FAM114A1: variants seen among roughly 807,000 people sequenced by gnomAD.
FAM114A1 encodes family with sequence similarity 114 member A1, also known as protein NOXP20.
In FAM114A1, 62 loss-of-function variants were observed where a neutral mutation model predicts 64.3. The observed-to-expected ratio is 0.96, with a 90% CI of 0.79 to 1.19. The LOEUF is 1.19. Among genes scored for constraint, FAM114A1 ranks in the 50% most tolerant of loss-of-function variants. The pLI, the probability that FAM114A1 is intolerant of heterozygous loss-of-function variation, is 0.00. For missense variants in FAM114A1, 645 were observed against 676.3 expected (o/e 0.95, Z 0.51); for synonymous variants, 254 against 251.1 (o/e 1.01, Z -0.11).
intron 1 of FAM114A1, 179 bp downstream of exon 1, chr4:38,868,013 T>C: frequency 2.4e-6 from 1 of 418,634 alleles, no homozygotes; most frequent in South Asian, 1.7e-5. Flanking sequence ...GGGGTGAGGG[T>C]CTGGGGCGGC....
intron 9 of FAM114A1, among the ~76,000 whole-genome samples, chr4:38,927,961 C>T (rs1180587004): frequency 1.3e-5 from 2 of 152,216 alleles, no homozygotes; most frequent in Non-Finnish European, 2.9e-5. Flanking sequence ...GGATTACAGG[C>T]GTGAGCCACC....
intron 9 of FAM114A1, among the ~76,000 whole-genome samples, chr4:38,925,134 C>CT (rs2109762555): frequency 6.6e-6 from 1 of 152,274 alleles, no homozygotes; most frequent in Admixed American, 6.5e-5. Flanking sequence ...ATAGAAAAAC[C>CT]TGAAGTGCGA....
chr4:38,891,702 A>G (rs1037418949), intron 3 of FAM114A1, 41 bp from the exon 4 acceptor site: 1 of 1,522,812 alleles, frequency 6.6e-7, no homozygotes, highest in African/African-American at 1.4e-5. Context: ...ATTCAGAGAT[A>G]TACTGAATTT....
chr4:38,902,929 T>C (rs930286780), intron 4 of FAM114A1, among the ~76,000 whole-genome samples: 3 of 152,216 alleles, frequency 2.0e-5, no homozygotes, highest in African/African-American at 7.2e-5. Flanking sequence ...GAGGTTACTC[T>C]TTAGAGTAAG....
rs757367796 is a variant in FAM114A1, at chr4:38,915,071, A to G, written c.943A>G (p.Lys315Glu). 1 of 1,614,128 alleles carries G rather than the reference A, an allele frequency of 6.2e-7. No individual in the cohort carries two copies. Among genetic ancestry groups the G allele is most frequent in the East Asian group, 2.2e-5 (1 of 44,890 alleles). Residue 315 changes from lysine (K) to glutamate (E), a missense_variant and splice_region_variant, in exon 8 of 15, where the codon AAG becomes GAG. Lys to Glu is a moderately conservative substitution (Grantham distance 56). Transcript: ENST00000358869. ...LEILSNESES[K>E]VQSFLASLDG... ...AATTCTGTCCAATGAAAGCGAAAGC[A>G]AGGTACTTCTGCACTACTCGTTTGA...
At chr4:38,923,070 T>G (rs1384598578) in intron 9 of FAM114A1, among the ~76,000 whole-genome samples, 177 bp downstream of exon 9, 1 of 152,202 alleles carries the variant, frequency 6.6e-6, no homozygotes, top group African/African-American at 2.4e-5. Context: ...TATAAGACTC[T>G]CTTTCACTGG....
At chr4:38,874,215 AT>A (rs1374314292) in intron 2 of FAM114A1, among the ~76,000 whole-genome samples, 2 of 152,342 alleles carry the variant, frequency 1.3e-5, no homozygotes, top group Admixed American at 1.3e-4. Context: ...CGTCTGTAAA[AT>A]GGAGCTGATA....
intron 14 of FAM114A1, among the ~76,000 whole-genome samples, chr4:38,942,291 C>T (rs935046378): frequency 3.3e-5 from 5 of 151,992 alleles, no homozygotes; most frequent in Non-Finnish European, 1.5e-5. Flanking sequence ...TTAAGGAAAA[C>T]GACAAAGGTA....
chr4:38,911,326 C>G (rs1037805940), intron 7 of FAM114A1, among the ~76,000 whole-genome samples: 4 of 152,218 alleles, frequency 2.6e-5, no homozygotes, highest in African/African-American at 9.6e-5. Context: ...CAAAGGAGAC[C>G]TCATCTTCCA....
intron 3 of FAM114A1, among the ~76,000 whole-genome samples, chr4:38,888,654 C>T (rs1402033548): frequency 1.3e-5 from 2 of 152,150 alleles, no homozygotes; most frequent in South Asian, 4.1e-4. Flanking sequence ...ATCTAATTTG[C>T]TGTTATAAGA....
chr4:38,897,965 A>G (rs1473235231), intron 4 of FAM114A1, among the ~76,000 whole-genome samples: 3 of 152,016 alleles, frequency 2.0e-5, no homozygotes, highest in African/African-American at 7.2e-5. Flanking sequence ...AAAAGAAAGA[A>G]AAAAGAAAAG....
chr4:38,876,525 A>G lies in FAM114A1; in HGVS notation c.-8-1546A>G, dbSNP rs561034994. On this transcript the variant is annotated intron_variant, in intron 2 of 14. Coordinates refer to ENST00000358869, the MANE Select transcript of FAM114A1 (RefSeq NM_138389.4). ...AATATAATTAATAAAGCCAGAGTCA[A>G]TAATTTTAAAGATACAGGTATTACT... Among the ~76,000 whole-genome samples the G allele has an allele frequency of 3.9e-5, 6 of 152,338 alleles. 1 individual carries two copies. The South Asian group carries it at 1.0e-3, about 26-fold the overall frequency.
intron 3 of FAM114A1, among the ~76,000 whole-genome samples, chr4:38,882,590 T>C (rs1248070277): frequency 6.6e-6 from 1 of 152,070 alleles, no homozygotes; most frequent in East Asian, 1.9e-4. Flanking sequence ...GATTGCACCA[T>C]TGCACTCCAG....
At chr4:38,879,722 A>G (rs1050138981) in intron 3 of FAM114A1, among the ~76,000 whole-genome samples, 11 of 137,826 alleles carry the variant, frequency 8.0e-5, no homozygotes, top group Admixed American at 2.8e-4. Flanking sequence ...TAGGGTAAAC[A>G]TAACACAAAA....
At chr4:38,937,741 T>C (rs1467308544) in intron 13 of FAM114A1, among the ~76,000 whole-genome samples, 3 of 152,110 alleles carry the variant, frequency 2.0e-5, no homozygotes, top group Admixed American at 2.0e-4. Flanking sequence ...GCACACTCTT[T>C]TTTTATTTTT....
chr4:38,877,284 A>G (rs900676768), intron 2 of FAM114A1, among the ~76,000 whole-genome samples: 71 of 152,302 alleles, frequency 4.7e-4, no homozygotes, highest in African/African-American at 1.7e-3. Context: ...TAATGAAATA[A>G]TTATACAACT....
chr4:38,921,719 C>T (rs904693207), intron 8 of FAM114A1, among the ~76,000 whole-genome samples: 1 of 152,154 alleles, frequency 6.6e-6, no homozygotes, highest in Non-Finnish European at 1.5e-5. Flanking sequence ...CAGTGCCCTT[C>T]CTAGTGCTTC....
At chr4:38,899,042 G>GACAGAT (rs11283116) in intron 4 of FAM114A1, among the ~76,000 whole-genome samples, 67,611 of 146,720 alleles carry the variant, frequency 0.46, 15,514 homozygotes, top group Middle Eastern at 0.52. Flanking sequence ...TATATATATA[G>GACAGAT]ACAGATATAT....
intron 3 of FAM114A1, among the ~76,000 whole-genome samples, chr4:38,890,755 A>G (rs1247670574): frequency 6.6e-6 from 1 of 152,252 alleles, no homozygotes; most frequent in Non-Finnish European, 1.5e-5. Context: ...TCAGCCATTT[A>G]TTCAACAAAT....
Sources: gnomAD v4.1 joint callset for allele counts (sites outside exome capture counted in the v4.1 genomes callset) on GRCh38, gnomAD v4.1.1 for gene constraint, MANE v1.5 for transcripts, NCBI Gene and HGNC (gene_info 2026-07-23, HGNC 2026-07-21) for gene names.